Variants in SSH2 observed in about 807,000 individuals in gnomAD.
The protein encoded by SSH2 is protein phosphatase Slingshot homolog 2.
Under a neutral mutation model 135.2 loss-of-function variants are expected in SSH2, and 37 were observed. That is an observed-to-expected ratio of 0.27 (90% CI 0.21 to 0.36). SSH2 has a LOEUF of 0.36. SSH2 is among the 10% of genes least tolerant of loss of function. The pLI is 1.00. For missense variants in SSH2, 1,408 were observed against 1,765.3 expected, an observed-to-expected ratio of 0.80 and a Z score of 3.63; for synonymous variants, 628 against 646.2, an observed-to-expected ratio of 0.97 and a Z score of 0.43.
In SSH2 at chr17:29,672,085, G is replaced by C; in HGVS notation, c.659C>G (p.Ala220Gly). ...SLHKACEVAR[A>G]HNYYPGSLFL... ...TAGGCTGCCTGGGTAGTAGTTATGCGCTCTGGCGACTTCACAAGCCTTGTG... is the reference window on the plus strand; with the variant it reads ...TAGGCTGCCTGGGTAGTAGTTATGCCCTCTGGCGACTTCACAAGCCTTGTG... Residue 220 changes from alanine (A) to glycine (G), a missense_variant, in exon 9 of 16, where the codon GCG becomes GGG. Transcript: ENST00000540801. 2.5e-6 allele frequency: 4 copies of C among 1,614,116 alleles called. No individual in the cohort carries two copies. The highest frequency in any genetic ancestry group is 2.5e-6 in the Non-Finnish European group (3 of 1,179,996).
At chr17:29,650,912 C>A in intron 12 of SSH2, 112 bp from the exon 13 acceptor site, 1 of 841,854 alleles carries the variant, frequency 1.2e-6, no homozygotes, top group Non-Finnish European at 1.7e-6. Context: ...AAATTAAATA[C>A]AAAAATAATG....
chr17:29,667,105 C>T (rs756939059), intron 10 of SSH2, 25 bp downstream of exon 10: 2 of 1,603,746 alleles, frequency 1.2e-6, no homozygotes, highest in South Asian at 2.2e-5. Flanking sequence ...AGCCTTGGAA[C>T]AAACAAGGAC....
chr17:29,872,540 A>G (rs1302104036), intron 1 of SSH2, among the ~76,000 whole-genome samples: 1 of 152,028 alleles, frequency 6.6e-6, no homozygotes, highest in Non-Finnish European at 1.5e-5. Context: ...AGACAGCTTC[A>G]GGCCAGGAGT....
intron 12 of SSH2, among the ~76,000 whole-genome samples, chr17:29,654,359 C>T (rs984036682): frequency 2.0e-5 from 3 of 152,000 alleles, no homozygotes; most frequent in African/African-American, 7.3e-5. Flanking sequence ...CTCCCCACCC[C>T]CCGGAATTCT....
chr17:29,670,891 C>T (rs1469239523), intron 9 of SSH2, among the ~76,000 whole-genome samples: 1 of 152,232 alleles, frequency 6.6e-6, no homozygotes, highest in African/African-American at 2.4e-5. Context: ...ACTAGCTACT[C>T]TTCTTTCCCT....
chr17:29,664,360 G>A (rs561514458), intron 11 of SSH2, among the ~76,000 whole-genome samples: 79 of 144,854 alleles, frequency 5.5e-4, no homozygotes, highest in Non-Finnish European at 7.3e-4. Context: ...GCGACAGAGC[G>A]AGACTCCGTC....
At chr17:29,734,195 A>G (rs1175283949) in intron 3 of SSH2, among the ~76,000 whole-genome samples, 2 of 152,158 alleles carry the variant, frequency 1.3e-5, no homozygotes, top group Non-Finnish European at 2.9e-5. Context: ...TGCTGGGATT[A>G]TAGGCATGAG....
At chr17:29,866,102 CAAA>C (rs34216701) in intron 1 of SSH2, 18 of 113,694 alleles carry the variant, frequency 1.6e-4, no homozygotes, top group Admixed American at 2.6e-4. Context: ...AACTCCATCT[CAAA>C]AAAAAAAAAA....
intron 3 of SSH2, among the ~76,000 whole-genome samples, chr17:29,771,880 C>T (rs115025516): frequency 1.2e-3 from 186 of 152,286 alleles, no homozygotes; most frequent in African/African-American, 4.3e-3. Context: ...TGTCTTTCTT[C>T]TCTGAAATCA....
chr17:29,770,718 C>T (rs1025884170), intron 3 of SSH2, among the ~76,000 whole-genome samples: 1 of 152,098 alleles, frequency 6.6e-6, no homozygotes, highest in Non-Finnish European at 1.5e-5. Context: ...GATGATCTGC[C>T]CACCTCGGCC....
chr17:29,911,474 A>C (rs113266310), intron 1 of SSH2, among the ~76,000 whole-genome samples: 7 of 152,316 alleles, frequency 4.6e-5, no homozygotes, highest in South Asian at 2.1e-4. Context: ...TACGTGAGGT[A>C]GTATACAACT....
intron 2 of SSH2, among the ~76,000 whole-genome samples, chr17:29,814,111 C>G (rs1484526357): frequency 2.8e-5 from 2 of 70,628 alleles, no homozygotes; most frequent in South Asian, 9.7e-4. Flanking sequence ...GCCTGGGGGA[C>G]AAGAGTGAGA....
intron 3 of SSH2, among the ~76,000 whole-genome samples, chr17:29,722,967 C>G (rs1349162175): frequency 6.6e-6 from 1 of 152,228 alleles, no homozygotes; most frequent in Non-Finnish European, 1.5e-5. Flanking sequence ...TTAAGTTCCT[C>G]ATTTATGAGC....
At position 29,836,702 on chromosome 17, in the gene SSH2, T is replaced by A. The variant is rs567557519; in HGVS notation, c.144+12147A>T. ...GTCATGGCCTTTGTAACTCTACTTTTCTAATTATAAAGTGAGAGGAAAAAT... is the reference window on the plus strand; with the variant it reads ...GTCATGGCCTTTGTAACTCTACTTTACTAATTATAAAGTGAGAGGAAAAAT... On this transcript the variant is annotated intron_variant, in intron 2 of 15. Transcript: ENST00000540801. 2.1e-4 allele frequency among the ~76,000 whole-genome samples: 32 copies of A among 152,342 alleles called. No individual in the cohort carries two copies. In the East Asian group the frequency reaches 6.0e-3, roughly 28 times the overall value.
rs763639780 is a variant in SSH2, at chr17:29,632,427, G to A, written c.2767C>T (p.Arg923Cys). The change falls in exon 16 of 16, where the codon CGT becomes TGT. Residue 923 changes from arginine (R) to cysteine (C), a missense_variant. Arg to Cys is a radical substitution (Grantham distance 180). This residue lies in a region of SSH2 where 1,080 missense variants were observed against 1,144.5 expected (regional missense o/e 0.94). Coordinates refer to ENST00000540801, the MANE Select transcript of SSH2 (RefSeq NM_001282129.2). ...AAPTCTSLST[R>C]KNSKNDSSVA... ...GAAGAATCATTCTTTGAATTCTTACGAGTGGACAATGAGGTACATGTTGGG... is the reference window on the plus strand; with the variant it reads ...GAAGAATCATTCTTTGAATTCTTACAAGTGGACAATGAGGTACATGTTGGG... 11 of 1,614,024 alleles carry A rather than the reference G, an allele frequency of 6.8e-6. No homozygotes were observed. Among genetic ancestry groups the A allele is most frequent in the African/African-American group, 4.0e-5 (3 of 74,908 alleles).
intron 1 of SSH2, among the ~76,000 whole-genome samples, chr17:29,878,431 C>T (rs117428202): frequency 0.012 from 1,793 of 152,190 alleles, 12 homozygotes; most frequent in Non-Finnish European, 0.018. Context: ...GCGTCTACTG[C>T]TACAGATAAA....
intron 1 of SSH2, among the ~76,000 whole-genome samples, chr17:29,868,737 C>CA (rs10670727): frequency 0.47 from 56,065 of 119,818 alleles, 12,746 homozygotes; most frequent in East Asian, 0.61. Flanking sequence ...GACTCCACCT[C>CA]AAAAAAAAAA....
In SSH2 at chr17:29,631,867, G is replaced by A. The variant is rs1435077638; in HGVS notation, c.3327C>T (p.Ser1109=). ...CAGTGGGTCTGTTGTGCTCAGGGGA[G>A]GAAGAATGAGGCAGAGGTAGCACTT... ...HPQVLPLPHS[S]SPEHNRPTDH... Residue 1109 remains serine, a synonymous_variant, in exon 16 of 16, where the codon TCC becomes TCT. Transcript: ENST00000540801. 6.2e-7 allele frequency: 1 copy of A among 1,614,128 alleles called. No individual in the cohort carries two copies. The highest frequency in any genetic ancestry group is 1.3e-5 in the African/African-American group (1 of 74,940).
intron 1 of SSH2, among the ~76,000 whole-genome samples, chr17:29,872,794 G>A (rs1374848276): frequency 6.6e-6 from 1 of 151,940 alleles, no homozygotes; most frequent in Non-Finnish European, 1.5e-5. Flanking sequence ...CCAAGAGTTC[G>A]AGACCAGCCT....
Sources: gnomAD v4.1 joint callset for allele counts (sites outside exome capture counted in the v4.1 genomes callset) on GRCh38, gnomAD v4.1.1 for gene constraint, gnomAD v4.1.1 regional missense constraint, MANE v1.5 for transcripts, NCBI Gene and HGNC (gene_info 2026-07-23, HGNC 2026-07-21) for gene names.